The following KCNMA1 variants were observed in gnomAD, a reference collection of about 807,000 sequenced individuals.
KCNMA1 encodes potassium calcium-activated channel subfamily M alpha 1, also known as Calcium-activated potassium channel subunit alpha-1.
Under a neutral mutation model 140.0 loss-of-function variants are expected in KCNMA1, and 29 were observed. The observed-to-expected ratio is 0.21, with a 90% CI of 0.15 to 0.28. The LOEUF is 0.28. Among genes scored for constraint, KCNMA1 ranks in the 10% least tolerant of loss-of-function variants. The probability of loss-of-function intolerance (pLI) is 1.00; values close to 1 mark genes in which losing one functional copy is unlikely to be tolerated. For synonymous variants in KCNMA1, 612 were observed against 611.9 expected (o/e 1.00, Z 0.00); for missense variants, 880 against 1,602.2 (o/e 0.55, Z 7.70).
intron 2 of KCNMA1, among the ~76,000 whole-genome samples, chr10:77,291,342 T>C (rs2073168120): frequency 6.6e-6 from 1 of 152,090 alleles, no homozygotes; most frequent in Admixed American, 6.5e-5. Context: ...GAAAAACTGT[T>C]GCAGCTCAAA....
chr10:77,256,387 T>C (rs1367994274), intron 2 of KCNMA1, among the ~76,000 whole-genome samples: 1 of 152,062 alleles, frequency 6.6e-6, no homozygotes, highest in Non-Finnish European at 1.5e-5. Context: ...CATCCCACCC[T>C]AGGGCCAGCA....
intron 5 of KCNMA1, among the ~76,000 whole-genome samples, chr10:77,162,638 T>C (rs964502633): frequency 6.6e-6 from 1 of 152,116 alleles, no homozygotes; most frequent in African/African-American, 2.4e-5. Context: ...TTTCTGGTCT[T>C]TAAGGAAGTT....
chr10:76,928,420 C>T (rs1356136039), intron 23 of KCNMA1, among the ~76,000 whole-genome samples: 1 of 152,098 alleles, frequency 6.6e-6, no homozygotes, highest in Non-Finnish European at 1.5e-5. Flanking sequence ...GGAACTCAGA[C>T]CCCGCCCCCA....
intron 1 of KCNMA1, among the ~76,000 whole-genome samples, chr10:77,588,776 C>CCA (rs1263032252): frequency 6.6e-6 from 1 of 152,232 alleles, no homozygotes; most frequent in Non-Finnish European, 1.5e-5. Context: ...GCCAGAACAG[C>CCA]CATGTGGCTG....
intron 1 of KCNMA1, among the ~76,000 whole-genome samples, chr10:77,569,656 C>A (rs74364785): frequency 8.6e-5 from 13 of 151,978 alleles, no homozygotes; most frequent in Non-Finnish European, 1.9e-4. Context: ...TAGGCATTAC[C>A]ATTCAGGACA....
chr10:77,557,209 C>G (rs2064825327), intron 1 of KCNMA1, among the ~76,000 whole-genome samples: 1 of 152,196 alleles, frequency 6.6e-6, no homozygotes, highest in Admixed American at 6.5e-5. Context: ...CAATCACTGT[C>G]AAAAGGCAGT....
intron 14 of KCNMA1, among the ~76,000 whole-genome samples, chr10:77,064,959 C>T (rs978337828): frequency 1.3e-5 from 2 of 152,140 alleles, no homozygotes; most frequent in Non-Finnish European, 2.9e-5. Flanking sequence ...TGAATCAAAG[C>T]TCTTTAATTT....
At chr10:77,246,434 G>C (rs1054738290) in intron 3 of KCNMA1, among the ~76,000 whole-genome samples, 1 of 152,148 alleles carries the variant, frequency 6.6e-6, no homozygotes, top group Non-Finnish European at 1.5e-5. Context: ...TCCCTCCAAC[G>C]ACTTGCCCTC....
intron 25 of KCNMA1, chr10:76,904,546 C>G (rs2152273031): frequency 6.6e-6 from 1 of 151,990 alleles, no homozygotes; most frequent in African/African-American, 2.4e-5. Flanking sequence ...TTAGGTAGGC[C>G]CTGCAAACCT....
At chr10:76,922,713 A>G (rs749140484) in intron 23 of KCNMA1, among the ~76,000 whole-genome samples, 24 of 152,208 alleles carry the variant, frequency 1.6e-4, no homozygotes, top group Non-Finnish European at 3.5e-4. Context: ...GAGCTCTGTC[A>G]TTGTTCAAGT....
chr10:77,176,207 C>G lies in KCNMA1; in HGVS notation c.808+7214G>C, dbSNP rs77804637. Among the ~76,000 whole-genome samples the G allele has an allele frequency of 4.6e-3, 702 of 152,232 alleles. 30 individuals carry two copies. In the East Asian group the frequency reaches 0.11, roughly 25 times the overall value. ...AGAGTGGTGTGCTGACCCCATCCAC[C>G]GCTTCCCTTAGGAAAATGGTGGCCT... On this transcript the variant is annotated intron_variant, in intron 5 of 27. Transcript: ENST00000286628.
intron 18 of KCNMA1, among the ~76,000 whole-genome samples, chr10:77,005,027 T>C (rs1019263868): frequency 3.3e-5 from 5 of 152,166 alleles, no homozygotes; most frequent in African/African-American, 1.2e-4. Context: ...GCTAATTTTC[T>C]TTCTTACGTA....
Position 77,332,002 on chromosome 10 carries a change from T to C in KCNMA1, c.540+71860A>G, listed in dbSNP as rs2086619600. Reference sequence around the variant, plus strand: ...CACATAGATGAGATCCACTCAAGTCTACAAATATTGACAGCACTAGATATA... The same window carrying C: ...CACATAGATGAGATCCACTCAAGTCCACAAATATTGACAGCACTAGATATA... On this transcript the variant is annotated intron_variant, in intron 2 of 27. Coordinates refer to ENST00000286628, the MANE Select transcript of KCNMA1 (RefSeq NM_001161352.2). Among the ~76,000 whole-genome samples the C allele has an allele frequency of 2.6e-5, 4 of 152,088 alleles. No individual in the cohort carries two copies. In the South Asian group the frequency reaches 8.3e-4, roughly 31 times the overall value.
chr10:76,883,288 A>C (rs575581719), downstream of KCNMA1, among the ~76,000 whole-genome samples: 1 of 152,380 alleles, frequency 6.6e-6, no homozygotes, highest in South Asian at 2.1e-4. Flanking sequence ...AAATGGTTAA[A>C]GGTATAAAAA....
At chr10:77,413,802 T>C (rs1410140965) in intron 1 of KCNMA1, among the ~76,000 whole-genome samples, 1 of 152,184 alleles carries the variant, frequency 6.6e-6, no homozygotes, top group African/African-American at 2.4e-5. Flanking sequence ...AGTTACTGTG[T>C]TTGCTAACTG....
intron 6 of KCNMA1, among the ~76,000 whole-genome samples, chr10:77,112,846 A>T (rs1404407437): frequency 6.6e-6 from 1 of 151,250 alleles, no homozygotes; most frequent in African/African-American, 2.4e-5. Context: ...ATGTACATAT[A>T]TATATATATA....
intron 2 of KCNMA1, among the ~76,000 whole-genome samples, chr10:77,281,960 T>TA (rs1267377941): frequency 2.0e-5 from 3 of 152,172 alleles, no homozygotes; most frequent in South Asian, 4.1e-4. Flanking sequence ...GTCTGGGTGT[T>TA]ACGATAACCA....
chr10:77,544,625 C>A (rs2060985286), intron 1 of KCNMA1, among the ~76,000 whole-genome samples: 1 of 152,134 alleles, frequency 6.6e-6, no homozygotes, highest in African/African-American at 2.4e-5. Context: ...TTCTTTAAAT[C>A]TTCAGAGCAA....
At chr10:77,246,201 T>C (rs1029527869) in intron 3 of KCNMA1, among the ~76,000 whole-genome samples, 1 of 152,234 alleles carries the variant, frequency 6.6e-6, no homozygotes, top group Non-Finnish European at 1.5e-5. Context: ...AGAAGAGAGA[T>C]GGCTTTAGAA....
Sources: allele counts gnomAD v4.1 joint callset (sites outside exome capture counted in the v4.1 genomes callset), GRCh38; gene constraint gnomAD v4.1.1; transcripts MANE v1.5; gene names NCBI Gene and HGNC (gene_info 2026-07-23, HGNC 2026-07-21).